The following STARD13 variants were observed in gnomAD, a reference collection of about 807,000 sequenced individuals.
STARD13 encodes stAR-related lipid transfer protein 13.
In STARD13, 62 loss-of-function variants were observed where a neutral mutation model predicts 106.4. That is an observed-to-expected ratio of 0.58 (90% CI 0.48 to 0.72). STARD13 has a LOEUF of 0.72. Among genes scored for constraint, STARD13 ranks in the 30% least tolerant of loss-of-function variants. STARD13 has a pLI of 0.00. For missense variants in STARD13, 1,387 were observed against 1,424.0 expected, an observed-to-expected ratio of 0.97 and a Z score of 0.42; for synonymous variants, 565 against 553.0, an observed-to-expected ratio of 1.02 and a Z score of -0.31.
intron 1 of STARD13, among the ~76,000 whole-genome samples, chr13:33,254,575 C>A (rs1053067736): frequency 1.1e-4 from 16 of 152,182 alleles, no homozygotes; most frequent in African/African-American, 3.4e-4. Context: ...AACAGCATTT[C>A]TGTTTTCATG....
At chr13:33,197,735 G>T (rs943268879) in intron 1 of STARD13, among the ~76,000 whole-genome samples, 1 of 152,178 alleles carries the variant, frequency 6.6e-6, no homozygotes, top group Non-Finnish European at 1.5e-5. Flanking sequence ...ACATTAGTAT[G>T]TAGTTAGATC....
chr13:33,603,689 A>G, the STARD13 span, among the ~76,000 whole-genome samples: 1 of 152,182 alleles, frequency 6.6e-6, no homozygotes, highest in African/African-American at 2.4e-5. Context: ...GATAAATCTA[A>G]AAGAGTACAT....
At chr13:33,450,817 A>G in the STARD13 span, among the ~76,000 whole-genome samples, 483 of 152,304 alleles carry the variant, frequency 3.2e-3, 1 homozygote, top group African/African-American at 0.011. Context: ...AACAACATGT[A>G]CAAAAGAGAG....
chr13:33,501,079 T>C, the STARD13 span, among the ~76,000 whole-genome samples: 138 of 81,130 alleles, frequency 1.7e-3, no homozygotes, highest in Non-Finnish European at 2.3e-3. Context: ...CTCTCTCTCC[T>C]TTTTTTTTTT....
the STARD13 span, among the ~76,000 whole-genome samples, chr13:33,510,730 G>A: frequency 1.3e-5 from 2 of 152,122 alleles, no homozygotes; most frequent in African/African-American, 2.4e-5. Context: ...CACATTGTGG[G>A]GAGAGCCTGC....
chr13:33,318,528 T>C (rs1442115896), intron 1 of STARD13, among the ~76,000 whole-genome samples: 1 of 152,038 alleles, frequency 6.6e-6, no homozygotes, highest in Non-Finnish European at 1.5e-5. Context: ...TTTTTAGAAA[T>C]GACATGTAAA....
intron 1 of STARD13, among the ~76,000 whole-genome samples, chr13:33,258,065 T>A (rs1409293611): frequency 2.0e-5 from 3 of 152,254 alleles, no homozygotes; most frequent in Admixed American, 2.0e-4. Context: ...GATAAGGCTC[T>A]GATGCATTTT....
chr13:33,534,959 T>C, the STARD13 span, among the ~76,000 whole-genome samples: 2 of 152,300 alleles, frequency 1.3e-5, no homozygotes, highest in South Asian at 4.1e-4. Flanking sequence ...CTCACGCCTG[T>C]AATCCTAACA....
chr13:33,676,133 C>T, the STARD13 span, among the ~76,000 whole-genome samples: 1 of 152,188 alleles, frequency 6.6e-6, no homozygotes, highest in Non-Finnish European at 1.5e-5. Context: ...ACTGTACACA[C>T]TAACACCTGA....
intron 1 of STARD13, among the ~76,000 whole-genome samples, chr13:33,254,720 G>A (rs1890255401): frequency 6.6e-6 from 1 of 152,170 alleles, no homozygotes; most frequent in Non-Finnish European, 1.5e-5. Flanking sequence ...GAGAAGAGGA[G>A]GGATGTCTGA....
intron 1 of STARD13, among the ~76,000 whole-genome samples, chr13:33,233,002 A>G (rs146919901): frequency 1.5e-4 from 23 of 152,356 alleles, no homozygotes; most frequent in Middle Eastern, 3.4e-3. Flanking sequence ...AGTGATTGAC[A>G]TTCTGTGCTG....
the STARD13 span, among the ~76,000 whole-genome samples, chr13:33,492,273 C>G: frequency 8.6e-3 from 1,303 of 152,262 alleles, 12 homozygotes; most frequent in African/African-American, 0.03. Flanking sequence ...TGTAATAATA[C>G]AGTTATCATT....
chr13:33,630,879 C>T, the STARD13 span, among the ~76,000 whole-genome samples: 1 of 152,156 alleles, frequency 6.6e-6, no homozygotes, highest in Non-Finnish European at 1.5e-5. Context: ...TCTTCTAACA[C>T]GTTTCCCATC....
At chr13:33,649,417 C>T in the STARD13 span, among the ~76,000 whole-genome samples, 1 of 152,164 alleles carries the variant, frequency 6.6e-6, no homozygotes, top group Non-Finnish European at 1.5e-5. Context: ...CCCACATCCC[C>T]CAGTTACTTT....
the STARD13 span, among the ~76,000 whole-genome samples, chr13:33,512,969 T>C: frequency 6.6e-6 from 1 of 152,300 alleles, no homozygotes; most frequent in Non-Finnish European, 1.5e-5. Context: ...AGCCACCCAA[T>C]GTGTGGTACT....
At chr13:33,208,887 A>T (rs1887561709) in intron 1 of STARD13, among the ~76,000 whole-genome samples, 1 of 152,210 alleles carries the variant, frequency 6.6e-6, no homozygotes, top group Non-Finnish European at 1.5e-5. Flanking sequence ...ATTGCAAAAG[A>T]TTGCAAATTA....
At chr13:33,495,495 A>G in the STARD13 span, among the ~76,000 whole-genome samples, 1 of 152,184 alleles carries the variant, frequency 6.6e-6, no homozygotes, top group Non-Finnish European at 1.5e-5. Context: ...GGAAAGCTTG[A>G]ACACTTTCTT....
chr13:33,172,412 T>C (rs745851782), intron 1 of STARD13, among the ~76,000 whole-genome samples: 14 of 150,088 alleles, frequency 9.3e-5, no homozygotes, highest in Non-Finnish European at 2.1e-4. Context: ...TGGAAGTCTA[T>C]GGGAGTTAAA....
chr13:33,133,526 G>A (rs1314121540), intron 4 of STARD13, among the ~76,000 whole-genome samples: 1 of 152,148 alleles, frequency 6.6e-6, no homozygotes, highest in African/African-American at 2.4e-5. Context: ...ATGTTCCAAA[G>A]GGTATTGAAA....
Sources: allele counts gnomAD v4.1 joint callset (sites outside exome capture counted in the v4.1 genomes callset), GRCh38; gene constraint gnomAD v4.1.1; transcripts MANE v1.5; gene names NCBI Gene and HGNC (gene_info 2026-07-23, HGNC 2026-07-21).